TMIGD1: variants seen among roughly 807,000 people sequenced by gnomAD.
TMIGD1 encodes the protein transmembrane and immunoglobulin domain containing 1.
In TMIGD1, 29 loss-of-function variants were observed where a neutral mutation model predicts 27.5. The ratio of observed to expected loss-of-function variants is 1.05; its 90% CI spans 0.78 to 1.44. The LOEUF is 1.44. TMIGD1 is among the 40% of genes most tolerant of loss of function. The probability of loss-of-function intolerance (pLI) is 0.00; values close to 1 mark genes in which losing one functional copy is unlikely to be tolerated. For synonymous variants in TMIGD1, 109 were observed against 110.3 expected, an observed-to-expected ratio of 0.99 and a Z score of 0.07; for missense variants, 334 against 310.6, an observed-to-expected ratio of 1.08 and a Z score of -0.57.
At chr17:30,332,821 A>T (rs567128520) in intron 1 of TMIGD1, among the ~76,000 whole-genome samples, 3 of 152,302 alleles carry the variant, frequency 2.0e-5, no homozygotes, top group Admixed American at 2.0e-4. Context: ...GGAAAAAAAC[A>T]TATATTCATT....
intron 3 of TMIGD1, among the ~76,000 whole-genome samples, chr17:30,327,089 A>G (rs1038692167): frequency 4.6e-5 from 7 of 151,598 alleles, no homozygotes; most frequent in South Asian, 2.1e-4. Context: ...CTTAGCAACA[A>G]TGATATTTAG....
At chr17:30,322,624 C>T (rs1306249291) in intron 4 of TMIGD1, among the ~76,000 whole-genome samples, 1 of 152,188 alleles carries the variant, frequency 6.6e-6, no homozygotes, top group African/African-American at 2.4e-5. Context: ...CTCAGCCTCC[C>T]AGGTAGCTGG....
intron 4 of TMIGD1, among the ~76,000 whole-genome samples, chr17:30,321,877 G>A (rs1909632230): frequency 1.3e-5 from 2 of 152,138 alleles, no homozygotes; most frequent in African/African-American, 4.8e-5. Flanking sequence ...CACTCAGACT[G>A]GAGTGCAGTG....
intron 2 of TMIGD1, among the ~76,000 whole-genome samples, chr17:30,329,888 T>G (rs1172511138): frequency 6.6e-6 from 1 of 150,434 alleles, no homozygotes; most frequent in African/African-American, 2.5e-5. Flanking sequence ...CTGGGTAACA[T>G]AGTGAGACTC....
intron 3 of TMIGD1, among the ~76,000 whole-genome samples, chr17:30,327,347 G>C (rs1216423600): frequency 6.6e-6 from 1 of 151,790 alleles, no homozygotes; most frequent in East Asian, 1.9e-4. Context: ...AGCCTGGGAG[G>C]CAGAGGTTAT....
At chr17:30,322,670 T>A (rs1909657452) in intron 4 of TMIGD1, among the ~76,000 whole-genome samples, 1 of 152,118 alleles carries the variant, frequency 6.6e-6, no homozygotes, top group South Asian at 2.1e-4. Flanking sequence ...CGGCTAATTT[T>A]TTTTGTATTT....
At chr17:30,322,563 G>A (rs183809144) in intron 4 of TMIGD1, among the ~76,000 whole-genome samples, 4 of 152,256 alleles carry the variant, frequency 2.6e-5, no homozygotes, top group East Asian at 3.9e-4. Context: ...GCAGTGGTGC[G>A]ATCTCGGCTC....
At chr17:30,330,274 G>A (rs1255833988) in intron 2 of TMIGD1, among the ~76,000 whole-genome samples, 1 of 149,542 alleles carries the variant, frequency 6.7e-6, no homozygotes, top group Non-Finnish European at 1.5e-5. Context: ...ATACATGGAA[G>A]TATTTTTTCA....
At chr17:30,322,779 C>T (rs1000904291) in intron 4 of TMIGD1, among the ~76,000 whole-genome samples, 2 of 152,226 alleles carry the variant, frequency 1.3e-5, no homozygotes, top group Non-Finnish European at 2.9e-5. Context: ...GGATTACAGG[C>T]GTGAGCCGCT....
chr17:30,321,574 T>C (rs1909622651), intron 4 of TMIGD1, among the ~76,000 whole-genome samples: 2 of 152,174 alleles, frequency 1.3e-5, no homozygotes, highest in African/African-American at 4.8e-5. Flanking sequence ...AGGACAGGTG[T>C]AGAAGGCTCC....
intron 6 of TMIGD1, 145 bp from the exon 7 acceptor site, chr17:30,316,835 T>C: frequency 1.3e-6 from 1 of 773,008 alleles, no homozygotes; most frequent in Non-Finnish European, 2.1e-6. Flanking sequence ...TAAACAAAGC[T>C]GCAAAGAGAA....
rs776621644 is a variant in TMIGD1, at chr17:30,329,389, C to T, written c.223G>A (p.Asp75Asn). 8.9e-5 allele frequency: 143 copies of T among 1,614,004 alleles called. No homozygotes were observed. Among genetic ancestry groups the T allele is most frequent in the Non-Finnish European group, 1.2e-4 (143 of 1,180,034 alleles). Reference sequence around the variant, plus strand: ...TTGATTTTGTTTCCAGATTTCAAATCCACTCTCCCCTCCTCTCGGTACCAG... The same window carrying T: ...TTGATTTTGTTTCCAGATTTCAAATTCACTCTCCCCTCCTCTCGGTACCAG... ...LLWYREEGRV[D>N]LKSGNKINSS... Residue 75 changes from aspartate to asparagine, a missense_variant, in exon 3 of 7, where the codon GAT becomes AAT. Physicochemically the swap from Asp to Asn is conservative, Grantham distance 23. Coordinates refer to ENST00000328886, the MANE Select transcript of TMIGD1 (RefSeq NM_206832.3).
chr17:30,323,273 A>C (rs1237089346), intron 4 of TMIGD1, among the ~76,000 whole-genome samples: 1 of 152,184 alleles, frequency 6.6e-6, no homozygotes, highest in African/African-American at 2.4e-5. Flanking sequence ...TTGTAACCAG[A>C]CCTGATATTT....
chr17:30,331,967 G>T, intron 2 of TMIGD1, 85 bp downstream of exon 2: 1 of 829,302 alleles, frequency 1.2e-6, no homozygotes, highest in Non-Finnish European at 2.0e-6. Flanking sequence ...TGGAATTTAA[G>T]GATATATCCA....
At position 30,318,809 on chromosome 17, in the gene TMIGD1, C is replaced by T. The variant is rs1365982015; in HGVS notation, c.744+1G>A. ...TTAAATAGCTCAGAATACTTAGATA[C>T]CTTCATTATTTTCTTTCTTCTAGCA... On this transcript the variant is annotated splice_donor_variant, in intron 5 of 6. Coordinates refer to ENST00000328886, the MANE Select transcript of TMIGD1 (RefSeq NM_206832.3). LOFTEE classifies it high-confidence loss of function. 2 of 1,602,474 alleles carry T rather than the reference C, an allele frequency of 1.2e-6. No homozygotes were observed. Among genetic ancestry groups the T allele is most frequent in the Non-Finnish European group, 1.7e-6 (2 of 1,169,784 alleles).
In TMIGD1 at chr17:30,318,850, A is replaced by G. The variant is rs767137058; in HGVS notation, c.704T>C (p.Leu235Ser). Residue 235 changes from leucine (L) to serine (S), a missense_variant, in exon 5 of 7, where the codon TTG (leucine) becomes TCG (serine). By Grantham distance (145) the Leu-to-Ser change is moderately radical. Coordinates refer to ENST00000328886, the MANE Select transcript of TMIGD1 (RefSeq NM_206832.3). ...IAACVVIFLT[L>S]CFGLIARRKK... ...TCTTCTAGCAATCAGTCCAAAGCAC[A>G]ATGTCAGAAAGATCACAACACATGC... 6.2e-7 allele frequency: 1 copy of G among 1,614,024 alleles called. No individual in the cohort carries two copies. Among genetic ancestry groups the G allele is most frequent in the Admixed American group, 1.7e-5 (1 of 60,012 alleles).
At chr17:30,324,719 C>A in intron 4 of TMIGD1, 97 bp downstream of exon 4, 1 of 1,411,514 alleles carries the variant, frequency 7.1e-7, no homozygotes, top group South Asian at 1.4e-5. Flanking sequence ...TGGCCCTAAT[C>A]ATAACCGTTA....
chr17:30,318,085 A>C (rs1017091014), intron 5 of TMIGD1, among the ~76,000 whole-genome samples: 2 of 152,106 alleles, frequency 1.3e-5, no homozygotes, highest in Non-Finnish European at 2.9e-5. Context: ...TAAAAAAAGA[A>C]AGAAAGGAAG....
intron 3 of TMIGD1, among the ~76,000 whole-genome samples, chr17:30,327,495 G>A (rs1450783096): frequency 6.6e-6 from 1 of 152,192 alleles, no homozygotes; most frequent in African/African-American, 2.4e-5. Flanking sequence ...ATTCTCAGCT[G>A]CACCTATGAT....
Sources: gnomAD v4.1 joint callset for allele counts (sites outside exome capture counted in the v4.1 genomes callset) on GRCh38, gnomAD v4.1.1 for gene constraint, MANE v1.5 for transcripts, NCBI Gene and HGNC (gene_info 2026-07-23, HGNC 2026-07-21) for gene names.